VCF2: variants seen among roughly 807,000 people sequenced by gnomAD.
VCF2 encodes protein VCF2.
At chrX:55,143,570 A>T in the VCF2 span, 1 of 270,810 alleles carries the variant, frequency 3.7e-6, no homozygotes, top group Non-Finnish European at 6.6e-6. Context: ...ACACAGGCGC[A>T]AATTCTGATG....
chrX:55,159,299 C>G, the VCF2 span: 1 of 867,298 alleles, frequency 1.2e-6, no homozygotes, highest in Non-Finnish European at 1.6e-6. Flanking sequence ...AATTGTAAAG[C>G]CGTGACAACA....
At chrX:55,143,701 C>A in the VCF2 span, 4 of 789,829 alleles carry the variant, frequency 5.1e-6, no homozygotes, top group Non-Finnish European at 7.5e-6. Context: ...GGAAGCCCAG[C>A]TGGAACCTCC....
At chrX:55,155,746 A>T in the VCF2 span, among the ~76,000 whole-genome samples, 1 of 111,047 alleles carries the variant, frequency 9.0e-6, no homozygotes, top group Admixed American at 9.6e-5. Context: ...ACACAAGATT[A>T]GTTAGGGAGT....
the VCF2 span, among the ~76,000 whole-genome samples, chrX:55,159,733 A>G: frequency 3.6e-5 from 4 of 112,219 alleles, no homozygotes; most frequent in African/African-American, 1.3e-4. Context: ...TATACCAGCT[A>G]ATATTATGAC....
the VCF2 span, chrX:55,143,150 C>A: frequency 9.0e-6 from 1 of 111,126 alleles, no homozygotes; most frequent in Non-Finnish European, 1.9e-5. Flanking sequence ...CAGTACAAAG[C>A]TTTCACAGCG....
the VCF2 span, among the ~76,000 whole-genome samples, chrX:55,153,319 T>C: frequency 9.0e-6 from 1 of 110,691 alleles, no homozygotes; most frequent in South Asian, 3.8e-4. Context: ...TTTAGTTTTG[T>C]ATTTTCACTT....
At chrX:55,149,235 A>G in the VCF2 span, among the ~76,000 whole-genome samples, 64 of 109,479 alleles carry the variant, frequency 5.8e-4, no homozygotes, top group African/African-American at 2.1e-3. Context: ...CATTTTATCA[A>G]AATAACTCCT....
At chrX:55,148,289 A>G in the VCF2 span, among the ~76,000 whole-genome samples, 2 of 110,316 alleles carry the variant, frequency 1.8e-5, no homozygotes, top group Non-Finnish European at 3.8e-5. Context: ...AAACATCTGG[A>G]TGATTTCTAA....
the VCF2 span, among the ~76,000 whole-genome samples, chrX:55,154,226 G>T: frequency 8.1e-5 from 9 of 111,633 alleles, no homozygotes; most frequent in Non-Finnish European, 1.1e-4. Context: ...GGGCTCAAGG[G>T]ATCCTCCTGC....
At chrX:55,161,123 C>G in the VCF2 span, 7 of 1,207,063 alleles carry the variant, frequency 5.8e-6, no homozygotes, top group Middle Eastern at 4.6e-4. Context: ...CCGGAAAGGC[C>G]CCGACGAACT....
the VCF2 span, among the ~76,000 whole-genome samples, chrX:55,150,204 T>C: frequency 2.7e-5 from 3 of 112,089 alleles, no homozygotes; most frequent in Non-Finnish European, 3.8e-5. Flanking sequence ...TTGTATGAAA[T>C]TCCTGTGATT....
At chrX:55,145,505 C>G in the VCF2 span, 1 of 754,376 alleles carries the variant, frequency 1.3e-6, no homozygotes, top group Non-Finnish European at 1.6e-6. Context: ...TAAACTGGGT[C>G]TGATTGTTGC....
At chrX:55,160,908 T>A in the VCF2 span, 3 of 1,158,467 alleles carry the variant, frequency 2.6e-6, no homozygotes, top group African/African-American at 5.4e-5. Context: ...CTTCGCGGGA[T>A]TTTTTTTCAA....
chrX:55,156,371 C>A, the VCF2 span, among the ~76,000 whole-genome samples: 1 of 112,022 alleles, frequency 8.9e-6, no homozygotes, highest in African/African-American at 3.2e-5. Context: ...CATAGTCTAT[C>A]CCTGGAATAA....
the VCF2 span, among the ~76,000 whole-genome samples, chrX:55,152,291 C>T: frequency 1.8e-5 from 2 of 112,184 alleles, no homozygotes; most frequent in African/African-American, 6.5e-5. Flanking sequence ...ACTTTCATAC[C>T]TGCCTACAGA....
chrX:55,150,707 C>G, the VCF2 span, among the ~76,000 whole-genome samples: 7 of 111,818 alleles, frequency 6.3e-5, no homozygotes, highest in African/African-American at 2.3e-4. Context: ...ACTTTTATCA[C>G]TTTCAAAAGG....
the VCF2 span, chrX:55,146,024 G>A: frequency 8.7e-7 from 1 of 1,155,717 alleles, no homozygotes; most frequent in Non-Finnish European, 1.1e-6. Context: ...ACTTTTTTTG[G>A]TGTGTATGCA....
chrX:55,155,938 CTTCTTT>C, the VCF2 span, among the ~76,000 whole-genome samples: 3 of 91,043 alleles, frequency 3.3e-5, no homozygotes, highest in Non-Finnish European at 4.5e-5. Flanking sequence ...CTTTCTTCTT[CTTCTTT>C]TTTTTTTTTT....
At chrX:55,161,156 T>C in the VCF2 span, 1 of 1,207,335 alleles carries the variant, frequency 8.3e-7, no homozygotes, top group Admixed American at 2.2e-5. Context: ...CAGCCTCCCA[T>C]AGTCCTGCCC....
Sources: gnomAD v4.1 joint callset for allele counts (sites outside exome capture counted in the v4.1 genomes callset) on GRCh38, gnomAD v4.1.1 for gene constraint, MANE v1.5 for transcripts, NCBI Gene and HGNC (gene_info 2026-07-23, HGNC 2026-07-21) for gene names.